KLHDC4: variants seen among roughly 807,000 people sequenced by gnomAD.
KLHDC4 encodes the protein kelch domain containing 4.
Under a neutral mutation model 62.4 loss-of-function variants are expected in KLHDC4, and 90 were observed. That is an observed-to-expected ratio of 1.44 (90% CI 1.22 to 1.72). The LOEUF (loss-of-function observed/expected upper bound fraction) is 1.72, where lower values mean the gene tolerates loss of function less well. Among genes scored for constraint, KLHDC4 ranks in the 40% most tolerant of loss-of-function variants. The pLI is 0.00. For synonymous variants in KLHDC4, 386 were observed against 284.4 expected (o/e 1.36, Z -3.59); for missense variants, 1,025 against 699.7 (o/e 1.47, Z -5.25).
Position 87,765,886 on chromosome 16 carries a change from C to T in KLHDC4, c.5G>A (p.Gly2Asp), listed in dbSNP as rs1169627679. The change falls in exon 1 of 12, where the codon GGC becomes GAC. Residue 2 changes from glycine (G) to aspartate (D), a missense_variant. Coordinates refer to ENST00000270583, the MANE Select transcript of KLHDC4 (RefSeq NM_017566.4). ...CTTCTTCTCCTTCTTGCCCTTCTTGCCCATCTTGCCGGGTCCCAAGCCGCG... is the reference window on the plus strand; with the variant it reads ...CTTCTTCTCCTTCTTGCCCTTCTTGTCCATCTTGCCGGGTCCCAAGCCGCG... M[G>D]KKGKKEKKGR... 1.3e-6 allele frequency: 2 copies of T among 1,551,348 alleles called. No homozygotes were observed. The highest frequency in any genetic ancestry group is 1.4e-5 in the African/African-American group (1 of 73,188).
rs141066043 is a variant in KLHDC4 at position 87,725,124 on chromosome 16, G to C, written c.759+1641C>G. Reference sequence around the variant, plus strand: ...CTTGTTTAGCAGAAGCTCCAGGACAGGCAGATCTATTACGGTGGGAAAATC... The same window carrying C: ...CTTGTTTAGCAGAAGCTCCAGGACACGCAGATCTATTACGGTGGGAAAATC... On this transcript the variant is annotated intron_variant, in intron 7 of 11. Coordinates refer to ENST00000270583, the MANE Select transcript of KLHDC4 (RefSeq NM_017566.4). Among the ~76,000 whole-genome samples, 10 of 152,272 alleles carry C rather than the reference G, an allele frequency of 6.6e-5. 1 individual carries two copies. The East Asian group carries it at 1.9e-3, about 29-fold the overall frequency.
At chr16:87,704,344 C>T (rs1053427977), downstream of KLHDC4, among the ~76,000 whole-genome samples, 2 of 135,404 alleles carry the variant, frequency 1.5e-5, no homozygotes, top group African/African-American at 5.6e-5. Context: ...TGGGGAGGGT[C>T]TTGAATGTCA....
intron 7 of KLHDC4, 91 bp from the exon 8 acceptor site, chr16:87,714,664 G>C: frequency 7.3e-7 from 1 of 1,362,442 alleles, no homozygotes; most frequent in South Asian, 1.2e-5. Context: ...TTGGATGGAA[G>C]GGGCTGGAGG....
downstream of KLHDC4, among the ~76,000 whole-genome samples, chr16:87,706,122 A>G (rs1348396600): frequency 7.0e-6 from 1 of 143,408 alleles, no homozygotes; most frequent in African/African-American, 2.6e-5. Flanking sequence ...CGCAAAAGCA[A>G]ACACAAGCTG....
At chr16:87,718,913 C>T (rs907746418) in intron 7 of KLHDC4, among the ~76,000 whole-genome samples, 6 of 151,442 alleles carry the variant, frequency 4.0e-5, no homozygotes, top group Admixed American at 1.3e-4. Context: ...TCTGCCCAGC[C>T]GCCACCCTGT....
chr16:87,713,176 C>T lies in KLHDC4; in HGVS notation c.835+1322G>A, dbSNP rs187701344. Among the ~76,000 whole-genome samples the T allele has an allele frequency of 5.9e-3, 902 of 151,738 alleles. 7 individuals carry two copies. The highest frequency in any genetic ancestry group is 0.015 in the African/African-American group (630 of 41,366). The stretch of plus-strand genomic sequence containing the variant: ...CGTCCCCAGTAGCTAGAACTACAGA[C>T]GTGCGCCAGCACACCTGGCTACATA... On this transcript the variant is annotated intron_variant, in intron 8 of 11. Coordinates refer to ENST00000270583, the MANE Select transcript of KLHDC4 (RefSeq NM_017566.4).
chr16:87,719,839 C>G (rs2037901077), intron 7 of KLHDC4, among the ~76,000 whole-genome samples: 1 of 152,334 alleles, frequency 6.6e-6, no homozygotes, highest in Admixed American at 6.5e-5. Flanking sequence ...AGGGCTGGCT[C>G]TGGAATTACT....
At chr16:87,734,457 T>A (rs1460857148) in intron 5 of KLHDC4, among the ~76,000 whole-genome samples, 1 of 152,160 alleles carries the variant, frequency 6.6e-6, no homozygotes, top group Non-Finnish European at 1.5e-5. Flanking sequence ...ATCATCAGGG[T>A]GACTGCCAGG....
intron 10 of KLHDC4, 46 bp downstream of exon 10, chr16:87,709,219 T>C (rs376127961): frequency 6.1e-5 from 96 of 1,576,036 alleles, no homozygotes; most frequent in Non-Finnish European, 8.1e-5. Flanking sequence ...CACACGACCG[T>C]GGGCTCTCGC....
At chr16:87,749,743 C>T (rs1234753452) in intron 4 of KLHDC4, among the ~76,000 whole-genome samples, 1 of 151,930 alleles carries the variant, frequency 6.6e-6, no homozygotes, top group Non-Finnish European at 1.5e-5. Flanking sequence ...GACATCATGC[C>T]CAGCTGTTTA....
At chr16:87,742,625 T>A (rs768346051) in intron 5 of KLHDC4, among the ~76,000 whole-genome samples, 1 of 152,064 alleles carries the variant, frequency 6.6e-6, no homozygotes, top group African/African-American at 2.4e-5. Flanking sequence ...AAAACACAGA[T>A]TCCTCAACCA....
At chr16:87,732,097 CTTTTTTTT>C (rs61370494) in intron 5 of KLHDC4, among the ~76,000 whole-genome samples, 12 of 132,244 alleles carry the variant, frequency 9.1e-5, no homozygotes, top group Non-Finnish European at 1.8e-4. Flanking sequence ...GTGCATATTT[CTTTTTTTT>C]TTTTTTTTTT....
chr16:87,728,822 T>A (rs889142922), intron 6 of KLHDC4, among the ~76,000 whole-genome samples: 5 of 152,088 alleles, frequency 3.3e-5, no homozygotes, highest in African/African-American at 1.2e-4. Context: ...CTACTAAAAA[T>A]ACAAAAATTA....
At chr16:87,765,711 G>T in intron 1 of KLHDC4, 81 bp downstream of exon 1, 1 of 1,379,642 alleles carries the variant, frequency 7.2e-7, no homozygotes, top group Non-Finnish European at 9.8e-7. Flanking sequence ...CGGCCGACCC[G>T]TAACCCCGGG....
chr16:87,721,400 C>T (rs565665453), intron 7 of KLHDC4, among the ~76,000 whole-genome samples: 53 of 129,564 alleles, frequency 4.1e-4, no homozygotes, highest in African/African-American at 1.4e-3. Flanking sequence ...GGGGATAGAG[C>T]GAGACTCTGT....
exon 1 of KLHDC4, chr16:87,698,521 C>T (rs994065594): frequency 2.0e-5 from 3 of 152,252 alleles, no homozygotes; most frequent in Non-Finnish European, 4.4e-5. Context: ...TGTCCCTGAG[C>T]GAAGTTGTGC....
chr16:87,734,956 AC>A (rs2041032745), intron 5 of KLHDC4, among the ~76,000 whole-genome samples: 2 of 37,984 alleles, frequency 5.3e-5, no homozygotes, highest in Middle Eastern at 0.014. Context: ...CCCACTCCTG[AC>A]GAATTGCCTG....
At chr16:87,716,125 T>C (rs1422104278) in intron 7 of KLHDC4, among the ~76,000 whole-genome samples, 1 of 149,960 alleles carries the variant, frequency 6.7e-6, no homozygotes, top group Non-Finnish European at 1.5e-5. Context: ...CACACTATGG[T>C]CTTGTGGATA....
intron 7 of KLHDC4, among the ~76,000 whole-genome samples, chr16:87,717,912 G>A (rs2142989459): frequency 6.6e-6 from 1 of 152,306 alleles, no homozygotes; most frequent in South Asian, 2.1e-4. Flanking sequence ...ATGGGGGAAT[G>A]TTTTATGCTA....
Sources: allele counts gnomAD v4.1 joint callset (sites outside exome capture counted in the v4.1 genomes callset), GRCh38; gene constraint gnomAD v4.1.1; transcripts MANE v1.5; gene names NCBI Gene and HGNC (gene_info 2026-07-23, HGNC 2026-07-21).